The following PYROXD1 variants were observed in gnomAD, a reference collection of about 807,000 sequenced individuals.
PYROXD1 encodes the protein pyridine nucleotide-disulphide oxidoreductase domain 1, also known as tRNA ligase complex-associated NAD(P)H dehydrogenase PYROXD1.
Under a neutral mutation model 62.0 loss-of-function variants are expected in PYROXD1, and 42 were observed. The ratio of observed to expected loss-of-function variants is 0.68; its 90% CI spans 0.53 to 0.88. PYROXD1 has a LOEUF of 0.88. Among genes scored for constraint, PYROXD1 ranks in the 40% least tolerant of loss-of-function variants. The probability of loss-of-function intolerance (pLI) is 0.00; values close to 1 mark genes in which losing one functional copy is unlikely to be tolerated. For missense variants in PYROXD1, 493 were observed against 604.8 expected, an observed-to-expected ratio of 0.82 and a Z score of 1.94; for synonymous variants, 170 against 206.4, an observed-to-expected ratio of 0.82 and a Z score of 1.51.
chr12:21,443,769 C>G (rs1286018575), intron 2 of PYROXD1, among the ~76,000 whole-genome samples: 1 of 152,060 alleles, frequency 6.6e-6, no homozygotes, highest in African/African-American at 2.4e-5. Context: ...ATATAATTTT[C>G]TCATGTTGTA....
At chr12:21,461,946 C>A in intron 8 of PYROXD1, 62 bp from the exon 9 acceptor site, 1 of 963,138 alleles carries the variant, frequency 1.0e-6, no homozygotes, top group Non-Finnish European at 1.7e-6. Context: ...GTCACATACA[C>A]TGCTGTGGTG....
intron 2 of PYROXD1, among the ~76,000 whole-genome samples, chr12:21,441,988 T>C (rs1942303812): frequency 6.6e-6 from 1 of 152,182 alleles, no homozygotes; most frequent in Admixed American, 6.5e-5. Flanking sequence ...GCTGAGTTAA[T>C]TGTTGTTGAA....
In PYROXD1 at chr12:21,470,926, T is replaced by C; in HGVS notation, c.*2172T>C. The C allele has an allele frequency of 3.7e-6, 5 of 1,348,180 alleles. No individual in the cohort carries two copies. Among genetic ancestry groups the C allele is most frequent in the African/African-American group, 1.5e-5 (1 of 65,074 alleles). 83.5% of individuals were successfully genotyped at this position (1,348,180 alleles called of 1,614,324 possible). ...GAAAAGCATCCCATAGGCTTTAATATACTTTTTAAAATATATAAAACTGAA... is the reference window on the plus strand; with the variant it reads ...GAAAAGCATCCCATAGGCTTTAATACACTTTTTAAAATATATAAAACTGAA... On this transcript the variant is annotated 3_prime_UTR_variant, in exon 12 of 12. Coordinates refer to ENST00000240651, the MANE Select transcript of PYROXD1 (RefSeq NM_024854.5).
At position 21,471,112 on chromosome 12, in the gene PYROXD1, AG is replaced by A. The variant is rs1222691495; in HGVS notation, c.*2360del. 1.3e-6 allele frequency: 2 copies of A among 1,555,452 alleles called. No individual in the cohort carries two copies. Among genetic ancestry groups the A allele is most frequent in the African/African-American group, 2.8e-5 (2 of 70,940 alleles). ...CTGTAGTCTTCTCTGCAGAAAATAA[AG>A]GCCAACAATAAGAAAGCTTTTGAAG... On this transcript the variant is annotated 3_prime_UTR_variant, in exon 12 of 12. Transcript: ENST00000240651.
intron 7 of PYROXD1, among the ~76,000 whole-genome samples, 155 bp downstream of exon 7, chr12:21,456,250 C>T (rs761311795): frequency 6.6e-6 from 1 of 152,126 alleles, no homozygotes; most frequent in African/African-American, 2.4e-5. Flanking sequence ...TGCAGTTGGT[C>T]CATTTGGCCA....
intron 1 of PYROXD1, 98 bp downstream of exon 1, chr12:21,437,912 G>T: frequency 1.7e-6 from 2 of 1,179,536 alleles, no homozygotes; most frequent in East Asian, 2.6e-5. Flanking sequence ...CTTCTTCCGG[G>T]TTCCTTTTTT....
At chr12:21,460,606 A>G (rs1207633861) in intron 7 of PYROXD1, among the ~76,000 whole-genome samples, 1 of 151,982 alleles carries the variant, frequency 6.6e-6, no homozygotes, top group Non-Finnish European at 1.5e-5. Context: ...TAATTTTAGT[A>G]GAGACAGGGT....
At chr12:21,468,423 T>A in intron 11 of PYROXD1, 83 bp from the exon 12 acceptor site, 1 of 1,275,586 alleles carries the variant, frequency 7.8e-7, no homozygotes, top group South Asian at 1.4e-5. Context: ...TTTCTGCGGC[T>A]ATTCAAACTT....
chr12:21,448,834 T>C (rs1348314977), intron 3 of PYROXD1, among the ~76,000 whole-genome samples: 1 of 152,196 alleles, frequency 6.6e-6, no homozygotes, highest in Non-Finnish European at 1.5e-5. Flanking sequence ...AATATATCTC[T>C]GATATGTAGT....
At chr12:21,463,667 G>A (rs553836550) in intron 10 of PYROXD1, among the ~76,000 whole-genome samples, 1 of 140,224 alleles carries the variant, frequency 7.1e-6, no homozygotes, top group Admixed American at 7.6e-5. Context: ...ACCCCAGCCT[G>A]GGCAACAAGA....
chr12:21,462,239 G>A (rs1442507545), intron 9 of PYROXD1, 119 bp downstream of exon 9: 8 of 625,458 alleles, frequency 1.3e-5, no homozygotes, highest in Non-Finnish European at 2.3e-5. Context: ...AACATGGTTG[G>A]AAACAGTTTG....
Position 21,449,529 on chromosome 12 carries a change from C to T in PYROXD1, c.286-34C>T, listed in dbSNP as rs376419341. 117 of 1,579,884 alleles carry T rather than the reference C, an allele frequency of 7.4e-5. No homozygotes were observed. In the African/African-American group the frequency reaches 1.5e-3, roughly 20 times the overall value. On this transcript the variant is annotated intron_variant, in intron 3 of 11. Coordinates refer to ENST00000240651, the MANE Select transcript of PYROXD1 (RefSeq NM_024854.5). ...AGTTGTATCCATGTTGATTATGTGT[C>T]TCCCTTTTCTTTCATTGTTTGATGT...
At chr12:21,448,240 C>T (rs1347741929) in intron 3 of PYROXD1, 3 of 468,680 alleles carry the variant, frequency 6.4e-6, no homozygotes, top group South Asian at 6.1e-5. Flanking sequence ...TTATGAAATG[C>T]TACTGTGCTT....
At chr12:21,457,375 GT>G (rs966019186) in intron 7 of PYROXD1, among the ~76,000 whole-genome samples, 5 of 151,806 alleles carry the variant, frequency 3.3e-5, no homozygotes, top group African/African-American at 9.7e-5. Context: ...GTGCATCTCT[GT>G]CTGAGTTCTT....
rs1942514397 is a variant in PYROXD1, at chr12:21,452,231, GT to G, written c.488+78del. On this transcript the variant is annotated intron_variant, in intron 5 of 11. Coordinates refer to ENST00000240651, the MANE Select transcript of PYROXD1 (RefSeq NM_024854.5). The stretch of plus-strand genomic sequence containing the variant: ...TGTTTTTAAATTAAACAATTGCTTT[GT>G]GATTCTTGTGATTTGTTGGCAGACT... 7 of 937,938 alleles carry G rather than the reference GT, an allele frequency of 7.5e-6. No homozygotes were observed. In the South Asian group the frequency reaches 1.4e-4, roughly 18 times the overall value. The allele number at this position is 937,938 out of a possible 1,614,324, so 58.1% of individuals were successfully genotyped here. A position where few individuals can be genotyped will look rare whatever the true frequency, so the allele number is the denominator to read the frequency against.
At chr12:21,457,493 T>G (rs906858988) in intron 7 of PYROXD1, among the ~76,000 whole-genome samples, 1 of 151,804 alleles carries the variant, frequency 6.6e-6, no homozygotes, top group African/African-American at 2.4e-5. Flanking sequence ...TTCAGTAAAC[T>G]ATGTAAACAG....
intron 10 of PYROXD1, among the ~76,000 whole-genome samples, chr12:21,465,467 T>G (rs1591958002): frequency 6.6e-6 from 1 of 152,218 alleles, no homozygotes; most frequent in Admixed American, 6.5e-5. Flanking sequence ...ATAAATATCT[T>G]CTTTTGAGAA....
intron 4 of PYROXD1, 141 bp downstream of exon 4, chr12:21,449,832 A>C: frequency 8.6e-6 from 5 of 583,596 alleles, no homozygotes; most frequent in Non-Finnish European, 1.5e-5. Context: ...CAGAGTGGTT[A>C]TGTTTTATTC....
intron 7 of PYROXD1, 152 bp downstream of exon 7, chr12:21,456,247 G>A: frequency 3.5e-6 from 2 of 569,470 alleles, no homozygotes; most frequent in South Asian, 2.4e-5. Context: ...CAATGCAGTT[G>A]GTCCATTTGG....
Sources: gnomAD v4.1 joint callset for allele counts (sites outside exome capture counted in the v4.1 genomes callset) on GRCh38, gnomAD v4.1.1 for gene constraint, MANE v1.5 for transcripts, NCBI Gene and HGNC (gene_info 2026-07-23, HGNC 2026-07-21) for gene names.